Variants in ABCB1 observed in about 807,000 individuals in gnomAD.
ABCB1 encodes the protein ATP binding cassette subfamily B member 1.
A neutral mutation model predicts 142.0 loss-of-function variants in ABCB1; 69 were observed. The ratio of observed to expected loss-of-function variants is 0.49; its 90% CI spans 0.40 to 0.59. The LOEUF is 0.59. Ranked by LOEUF, ABCB1 falls within the 20% of genes least tolerant of loss-of-function variation. The pLI is 0.00. For synonymous variants in ABCB1, 532 were observed against 539.2 expected (o/e 0.99, Z 0.18); for missense variants, 1,326 against 1,554.7 (o/e 0.85, Z 2.47).
Position 87,637,820 on chromosome 7 carries a change from A to T in ABCB1, c.-330-36742T>A, listed in dbSNP as rs184523984. 3.8e-3 allele frequency among the ~76,000 whole-genome samples: 573 copies of T among 151,172 alleles called. 3 individuals are homozygous for T. Among genetic ancestry groups the T allele is most frequent in the African/African-American group, 0.013 (552 of 41,292 alleles). On this transcript the variant is annotated intron_variant, in intron 1 of 28. Transcript: ENST00000265724. Reference sequence around the variant, plus strand: ...TTCTAACAGATTTTTTGCAGTTAAAATTTTTTTTTCTGAGTGCACAGTCAT... The same window carrying T: ...TTCTAACAGATTTTTTGCAGTTAAATTTTTTTTTTCTGAGTGCACAGTCAT...
intron 1 of ABCB1, among the ~76,000 whole-genome samples, chr7:87,697,357 G>A (rs1012463463): frequency 2.0e-5 from 3 of 152,116 alleles, no homozygotes; most frequent in Admixed American, 2.0e-4. Flanking sequence ...ATTCTTTCCA[G>A]TGTGTAGTAC....
intron 1 of ABCB1, among the ~76,000 whole-genome samples, chr7:87,706,434 C>A (rs894770629): frequency 2.0e-5 from 3 of 151,954 alleles, no homozygotes; most frequent in Non-Finnish European, 4.4e-5. Context: ...GAGTCGATCC[C>A]AAAGGTAAGA....
chr7:87,574,015 T>C (rs555479341), intron 4 of ABCB1, among the ~76,000 whole-genome samples: 1 of 152,278 alleles, frequency 6.6e-6, no homozygotes, highest in East Asian at 1.9e-4. Context: ...TGAAAAAATA[T>C]TTTCCACATG....
chr7:87,706,539 C>T (rs187063853), intron 1 of ABCB1, among the ~76,000 whole-genome samples: 21 of 152,196 alleles, frequency 1.4e-4, no homozygotes, highest in African/African-American at 5.1e-4. Context: ...TGTGAAGTAA[C>T]AAATTTAAGA....
At chr7:87,574,060 T>C (rs1010531317) in intron 4 of ABCB1, among the ~76,000 whole-genome samples, 2 of 152,292 alleles carry the variant, frequency 1.3e-5, no homozygotes, top group Admixed American at 6.5e-5. Context: ...AATTGCTGAC[T>C]ACATAGGCAC....
At chr7:87,593,977 A>T (rs937245840) in intron 3 of ABCB1, among the ~76,000 whole-genome samples, 1 of 152,182 alleles carries the variant, frequency 6.6e-6, no homozygotes, top group Non-Finnish European at 1.5e-5. Context: ...CTTCTTGGAA[A>T]CCCTGAACAC....
chr7:87,672,697 G>T (rs957645383), intron 1 of ABCB1, among the ~76,000 whole-genome samples: 2 of 152,164 alleles, frequency 1.3e-5, no homozygotes, highest in Admixed American at 1.3e-4. Flanking sequence ...GGCCCTGGTG[G>T]AATGGGTTCA....
At chr7:87,570,135 G>C in intron 5 of ABCB1, 37 bp downstream of exon 5, 1 of 1,583,672 alleles carries the variant, frequency 6.3e-7, no homozygotes, top group African/African-American at 1.3e-5. Flanking sequence ...GATGAATATA[G>C]AAAAACTTAA....
chr7:87,528,675 T>C (rs978604701), intron 21 of ABCB1, among the ~76,000 whole-genome samples: 7 of 152,162 alleles, frequency 4.6e-5, no homozygotes, highest in African/African-American at 1.4e-4. Flanking sequence ...GCAGTCAGAA[T>C]AAGTGTGGGC....
At chr7:87,558,675 T>C (rs1206743966) in intron 8 of ABCB1, among the ~76,000 whole-genome samples, 1 of 152,126 alleles carries the variant, frequency 6.6e-6, no homozygotes, top group African/African-American at 2.4e-5. Context: ...ATTTATTTCA[T>C]TCATTATTTT....
At chr7:87,520,085 G>GGTGGGGGCAGGTTAGC (rs1488810678) in intron 22 of ABCB1, among the ~76,000 whole-genome samples, 4 of 152,098 alleles carry the variant, frequency 2.6e-5, no homozygotes, top group Non-Finnish European at 4.4e-5. Context: ...TGGAGGTGTG[G>GGTGGGGGCAGGTTAGC]GTGGGGGCAG....
chr7:87,550,016 T>C lies in ABCB1; in HGVS notation c.1389A>G (p.Val463=). ...CACCAATGATTTCCCGTAGAAACCT[T>C]ACATTTATGGTCCTAATATCCTGTC... ...VDGQDIRTIN[V]RFLREIIGVV... is the part of the protein sequence containing the mutation. Residue 463 remains valine, a synonymous_variant, in exon 13 of 28, where the codon GTA becomes GTG. Coordinates refer to ENST00000622132, the MANE Select transcript of ABCB1 (RefSeq NM_001348946.2). 6.2e-7 allele frequency: 1 copy of C among 1,614,244 alleles called. No individual in the cohort carries two copies. Among genetic ancestry groups the C allele is most frequent in the Non-Finnish European group, 8.5e-7 (1 of 1,180,026 alleles).
At chr7:87,545,696 T>A (rs1194144619) in intron 15 of ABCB1, among the ~76,000 whole-genome samples, 167 bp downstream of exon 15, 2 of 152,198 alleles carry the variant, frequency 1.3e-5, no homozygotes, top group Admixed American at 1.3e-4. Flanking sequence ...TTTTCCCCTC[T>A]TTCAAGAGAG....
intron 18 of ABCB1, among the ~76,000 whole-genome samples, chr7:87,539,601 T>A (rs1816443163): frequency 6.6e-6 from 1 of 152,088 alleles, no homozygotes; most frequent in Admixed American, 6.5e-5. Flanking sequence ...GGTCACAGAG[T>A]TGGAATCTTA....
At chr7:87,563,626 A>G (rs183486867) in intron 7 of ABCB1, among the ~76,000 whole-genome samples, 2 of 152,330 alleles carry the variant, frequency 1.3e-5, no homozygotes, top group East Asian at 3.9e-4. Flanking sequence ...ACTCTCAACA[A>G]ACAAGGTATT....
chr7:87,697,242 A>G (rs2094506685), intron 1 of ABCB1, among the ~76,000 whole-genome samples: 1 of 152,144 alleles, frequency 6.6e-6, no homozygotes, highest in South Asian at 2.1e-4. Flanking sequence ...GGCTAATACA[A>G]TGTTGTATTT....
intron 14 of ABCB1, among the ~76,000 whole-genome samples, chr7:87,548,876 T>C (rs2129697750): frequency 6.6e-6 from 1 of 152,302 alleles, no homozygotes; most frequent in Non-Finnish European, 1.5e-5. Flanking sequence ...GCCCCTTTCC[T>C]GGAAATAAGA....
intron 15 of ABCB1, among the ~76,000 whole-genome samples, chr7:87,545,587 A>T (rs1584866281): frequency 6.6e-6 from 1 of 152,202 alleles, no homozygotes; most frequent in Non-Finnish European, 1.5e-5. Flanking sequence ...CAGATTCACT[A>T]CCATTTAAAT....
intron 1 of ABCB1, among the ~76,000 whole-genome samples, chr7:87,631,924 C>G (rs1044385098): frequency 6.6e-6 from 1 of 151,786 alleles, no homozygotes; most frequent in Non-Finnish European, 1.5e-5. Flanking sequence ...AGCCTCCAAG[C>G]AAAAAATGTT....
Sources: allele counts gnomAD v4.1 joint callset (sites outside exome capture counted in the v4.1 genomes callset), GRCh38; gene constraint gnomAD v4.1.1; transcripts MANE v1.5; gene names NCBI Gene and HGNC (gene_info 2026-07-23, HGNC 2026-07-21).